Variants in TNR observed in about 807,000 individuals in gnomAD.
TNR encodes tenascin-R.
TNR carries 45 observed loss-of-function variants against 150.4 expected under a neutral mutation model. That is an observed-to-expected ratio of 0.30 (90% CI 0.24 to 0.38). The LOEUF (loss-of-function observed/expected upper bound fraction) is 0.38. Among genes scored for constraint, TNR ranks in the 10% least tolerant of loss-of-function variants. The probability of loss-of-function intolerance (pLI) is 1.00; values close to 1 mark genes in which losing one functional copy is unlikely to be tolerated. For synonymous variants in TNR, 687 were observed against 678.4 expected, an observed-to-expected ratio of 1.01 and a Z score of -0.20; for missense variants, 1,544 against 1,759.1, an observed-to-expected ratio of 0.88 and a Z score of 2.19.
chr1:175,440,689 C>T (rs1655743198), intron 2 of TNR, among the ~76,000 whole-genome samples: 1 of 151,924 alleles, frequency 6.6e-6, no homozygotes, highest in South Asian at 2.1e-4. Flanking sequence ...GACCATGTTT[C>T]AGTGTCGGGG....
chr1:175,488,899 G>C (rs1658125293), intron 2 of TNR, among the ~76,000 whole-genome samples: 1 of 152,218 alleles, frequency 6.6e-6, no homozygotes, highest in South Asian at 2.1e-4. Context: ...GGTCAGAAAG[G>C]ATAGAAAGCT....
Position 175,323,343 on chromosome 1 carries a change from C to T in TNR, c.*14G>A, listed in dbSNP as rs767532674. 3 of 1,610,916 alleles carry T rather than the reference C, an allele frequency of 1.9e-6. No homozygotes were observed. The highest frequency in any genetic ancestry group is 1.7e-6 in the Non-Finnish European group (2 of 1,178,930). On this transcript the variant is annotated 3_prime_UTR_variant, in exon 23 of 23. Coordinates refer to ENST00000367674, the MANE Select transcript of TNR (RefSeq NM_003285.3). ...ATGACAGAAAATATTGGTTGGCTTG[C>T]AGCCGCCCACTGCTCAGAACTGTAA... is the stretch of plus-strand genomic sequence containing the variant.
intron 1 of TNR, among the ~76,000 whole-genome samples, chr1:175,555,563 ACACT>A (rs1357945450): frequency 1.4e-5 from 2 of 147,704 alleles, no homozygotes; most frequent in African/African-American, 5.0e-5. Flanking sequence ...TGAGATGAAG[ACACT>A]TACAAGATGC....
chr1:175,334,783 A>G (rs186007118), intron 20 of TNR, among the ~76,000 whole-genome samples: 158 of 152,370 alleles, frequency 1.0e-3, no homozygotes, highest in Non-Finnish European at 1.8e-3. Context: ...GATTGATTTG[A>G]GTAATAACTC....
chr1:175,376,857 A>ATGTGT (rs200447454), intron 9 of TNR, among the ~76,000 whole-genome samples: 1 of 113,484 alleles, frequency 8.8e-6, no homozygotes, highest in Non-Finnish European at 1.8e-5. Flanking sequence ...TATAAATGTA[A>ATGTGT]TATTATATAT....
intron 1 of TNR, among the ~76,000 whole-genome samples, chr1:175,598,270 C>A (rs368604388): frequency 1.3e-5 from 2 of 152,170 alleles, no homozygotes; most frequent in Non-Finnish European, 2.9e-5. Flanking sequence ...CTCATTTAGT[C>A]CAATTCTCTA....
At chr1:175,328,475 A>G (rs1279277520) in intron 21 of TNR, among the ~76,000 whole-genome samples, 2 of 152,224 alleles carry the variant, frequency 1.3e-5, no homozygotes, top group African/African-American at 4.8e-5. Context: ...ATTAAATGCC[A>G]GAAGAGAGGG....
At chr1:175,384,683 G>A (rs975088380) in intron 8 of TNR, among the ~76,000 whole-genome samples, 11 of 152,078 alleles carry the variant, frequency 7.2e-5, no homozygotes, top group Admixed American at 3.3e-4. Context: ...CCCCTCTCTC[G>A]TGGGACAGGC....
At chr1:175,517,699 T>C (rs1659470736) in intron 2 of TNR, among the ~76,000 whole-genome samples, 1 of 152,182 alleles carries the variant, frequency 6.6e-6, no homozygotes, top group Admixed American at 6.5e-5. Flanking sequence ...AAGGTAGCAT[T>C]TAGGTCCCAG....
At chr1:175,384,073 A>C (rs573252801) in intron 8 of TNR, among the ~76,000 whole-genome samples, 1 of 152,218 alleles carries the variant, frequency 6.6e-6, no homozygotes, top group African/African-American at 2.4e-5. Context: ...CGACCTGAAC[A>C]CCAAGAATTT....
At chr1:175,366,370 C>T (rs918358823) in intron 10 of TNR, among the ~76,000 whole-genome samples, 19 of 152,188 alleles carry the variant, frequency 1.2e-4, no homozygotes, top group African/African-American at 4.1e-4. Context: ...TCTGATACCA[C>T]TGGATTGCAT....
chr1:175,720,954 T>C (rs765368044), intron 1 of TNR, among the ~76,000 whole-genome samples: 1 of 152,226 alleles, frequency 6.6e-6, no homozygotes, highest in Non-Finnish European at 1.5e-5. Flanking sequence ...TGAGAAGGGC[T>C]TAGCAATCAT....
At chr1:175,672,301 C>T (rs1209383792) in intron 1 of TNR, among the ~76,000 whole-genome samples, 1 of 152,274 alleles carries the variant, frequency 6.6e-6, no homozygotes, top group Non-Finnish European at 1.5e-5. Flanking sequence ...CTACCTGTGG[C>T]CAACATGAAC....
At chr1:175,526,184 A>G (rs1477262522) in intron 2 of TNR, among the ~76,000 whole-genome samples, 1 of 152,202 alleles carries the variant, frequency 6.6e-6, no homozygotes, top group African/African-American at 2.4e-5. Flanking sequence ...CATAAAGTGA[A>G]ACATTCATAT....
chr1:175,454,664 G>C (rs1453815058), intron 2 of TNR, among the ~76,000 whole-genome samples: 1 of 152,120 alleles, frequency 6.6e-6, no homozygotes, highest in East Asian at 1.9e-4. Flanking sequence ...TAGAGACGGG[G>C]TTTCACCATG....
At chr1:175,660,516 A>G (rs1665329279) in intron 1 of TNR, among the ~76,000 whole-genome samples, 1 of 152,246 alleles carries the variant, frequency 6.6e-6, no homozygotes, top group African/African-American at 2.4e-5. Flanking sequence ...TCTCAGTAAA[A>G]TGCCCTGTAT....
intron 2 of TNR, among the ~76,000 whole-genome samples, chr1:175,461,481 A>G (rs556450109): frequency 1.7e-4 from 26 of 152,332 alleles, no homozygotes; most frequent in African/African-American, 6.3e-4. Context: ...TCAGCACTGA[A>G]TCATGGTTTT....
At chr1:175,615,958 G>A (rs564582032) in intron 1 of TNR, among the ~76,000 whole-genome samples, 8 of 152,190 alleles carry the variant, frequency 5.3e-5, no homozygotes, top group Non-Finnish European at 8.8e-5. Flanking sequence ...AAGCAATACT[G>A]TAATGTAGGT....
chr1:175,474,309 C>A (rs1433581063), intron 2 of TNR, among the ~76,000 whole-genome samples: 1 of 152,054 alleles, frequency 6.6e-6, no homozygotes, highest in Non-Finnish European at 1.5e-5. Flanking sequence ...TTAGGGTGGG[C>A]CCTAATCCAA....
Sources: gnomAD v4.1 joint callset for allele counts (sites outside exome capture counted in the v4.1 genomes callset) on GRCh38, gnomAD v4.1.1 for gene constraint, MANE v1.5 for transcripts, NCBI Gene and HGNC (gene_info 2026-07-23, HGNC 2026-07-21) for gene names.